Variants in MRPL3 observed in about 807,000 individuals in gnomAD.
MRPL3 encodes large ribosomal subunit protein uL3m.
In MRPL3, 43 loss-of-function variants were observed where a neutral mutation model predicts 44.3. The ratio of observed to expected loss-of-function variants is 0.97; its 90% CI spans 0.76 to 1.25. MRPL3 has a LOEUF of 1.25. Ranked by LOEUF, MRPL3 falls within the 50% of genes most tolerant of loss-of-function variation. The probability of loss-of-function intolerance (pLI) is 0.00; values close to 1 mark genes in which losing one functional copy is unlikely to be tolerated. For synonymous variants in MRPL3, 171 were observed against 152.3 expected (o/e 1.12, Z -0.91); for missense variants, 406 against 427.6 (o/e 0.95, Z 0.45).
At position 131,468,038 on chromosome 3, in the gene MRPL3, C is replaced by T. The variant is rs188820313; in HGVS notation, c.894+53G>A. 1.6e-4 allele frequency: 144 copies of T among 894,940 alleles called. 2 individuals carry two copies. In the South Asian group the frequency reaches 2.2e-3, roughly 14 times the overall value. The allele number at this position is 894,940 out of a possible 1,614,324, so 55.4% of individuals were successfully genotyped here. A position where few individuals can be genotyped will look rare whatever the true frequency, so the allele number is the denominator to read the frequency against. ...ATAAAGATAGTAATTTGTTAGCTTG[C>T]GAGTAAGAAACAAAAAAAAAAAAGG... On this transcript the variant is annotated intron_variant, in intron 9 of 9. Coordinates refer to ENST00000264995, the MANE Select transcript of MRPL3 (RefSeq NM_007208.4).
chr3:131,478,314 T>TG (rs1379543706), intron 6 of MRPL3, among the ~76,000 whole-genome samples: 1 of 152,208 alleles, frequency 6.6e-6, no homozygotes, highest in African/African-American at 2.4e-5. Context: ...GCCATTCACT[T>TG]GCAGTGTTTA....
chr3:131,492,408 T>C (rs1934278564), intron 4 of MRPL3, among the ~76,000 whole-genome samples: 2 of 152,176 alleles, frequency 1.3e-5, no homozygotes, highest in Non-Finnish European at 2.9e-5. Context: ...GAAGACCATT[T>C]TTCCACAGAC....
At chr3:131,462,985 A>G (rs565181752) in intron 9 of MRPL3, 110 bp from the exon 10 acceptor site, 1 of 870,916 alleles carries the variant, frequency 1.1e-6, no homozygotes, top group East Asian at 2.6e-5. Context: ...TCTAATGTGA[A>G]TAACACAACT....
chr3:131,468,159 T>G lies in MRPL3; in HGVS notation c.826A>C (p.Ile276Leu). Residue 276 changes from isoleucine (I) to leucine (L), a missense_variant, in exon 9 of 10, where the codon ATA (isoleucine) becomes CTA (leucine). Ile to Leu is a conservative substitution (Grantham distance 5). Transcript: ENST00000264995. ...RTEYGLKVWR[I>L]NTKHNIIYVN... The stretch of plus-strand genomic sequence containing the variant: ...TAGATTATGTTGTGCTTTGTGTTTA[T>G]TCTCCACACCTAAAGCATGAAATAA... 2 of 1,586,492 alleles carry G rather than the reference T, an allele frequency of 1.3e-6. No individual in the cohort carries two copies. Among genetic ancestry groups the G allele is most frequent in the Non-Finnish European group, 1.7e-6 (2 of 1,169,134 alleles).
At chr3:131,484,344 G>A (rs746413867) in intron 6 of MRPL3, among the ~76,000 whole-genome samples, 2 of 152,068 alleles carry the variant, frequency 1.3e-5, no homozygotes, top group South Asian at 2.1e-4. Context: ...CAGAAGTTCC[G>A]TGGGTGGGGT....
chr3:131,487,470 A>C, intron 6 of MRPL3: 1 of 476,496 alleles, frequency 2.1e-6, no homozygotes, highest in Non-Finnish European at 3.7e-6. Context: ...AAATAAAAAT[A>C]AAAGCTATAA....
intron 6 of MRPL3, among the ~76,000 whole-genome samples, chr3:131,475,446 G>C (rs1933834523): frequency 6.6e-6 from 1 of 152,134 alleles, no homozygotes; most frequent in Non-Finnish European, 1.5e-5. Flanking sequence ...GGCTGCTTGA[G>C]GTCAGGGGAG....
chr3:131,498,595 G>A (rs925344977), intron 3 of MRPL3, among the ~76,000 whole-genome samples: 5 of 150,958 alleles, frequency 3.3e-5, no homozygotes, highest in African/African-American at 9.7e-5. Flanking sequence ...CCAGCTACTC[G>A]GGAGGCTGAG....
intron 6 of MRPL3, among the ~76,000 whole-genome samples, chr3:131,475,466 G>A (rs1933834811): frequency 6.6e-6 from 1 of 152,146 alleles, no homozygotes; most frequent in Admixed American, 6.6e-5. Flanking sequence ...GGCCAGCCTG[G>A]CCAACATAGT....
chr3:131,475,460 A>G (rs143528292), intron 6 of MRPL3, among the ~76,000 whole-genome samples: 1 of 152,310 alleles, frequency 6.6e-6, no homozygotes, highest in Non-Finnish European at 1.5e-5. Flanking sequence ...AGGGGAGGCC[A>G]GCCTGGCCAA....
At chr3:131,471,512 T>C (rs1933742383) in intron 6 of MRPL3, among the ~76,000 whole-genome samples, 1 of 152,206 alleles carries the variant, frequency 6.6e-6, no homozygotes, top group Non-Finnish European at 1.5e-5. Flanking sequence ...TAATTCAAGA[T>C]TGTGAGACAC....
At chr3:131,469,899 TCC>T (rs1933704505) in intron 7 of MRPL3, 126 bp from the exon 8 acceptor site, 1 of 599,516 alleles carries the variant, frequency 1.7e-6, no homozygotes, top group Non-Finnish European at 2.8e-6. Context: ...TTCTGCTAGG[TCC>T]CAAGTAAGGA....
chr3:131,497,930 T>G (rs554458181), intron 4 of MRPL3: 1 of 488,912 alleles, frequency 2.0e-6, no homozygotes, highest in Non-Finnish European at 3.6e-6. Flanking sequence ...ATTGTACAGA[T>G]ATACAAGCAC....
intron 6 of MRPL3, among the ~76,000 whole-genome samples, chr3:131,482,997 T>C (rs1316505385): frequency 6.6e-6 from 1 of 151,362 alleles, no homozygotes; most frequent in Non-Finnish European, 1.5e-5. Flanking sequence ...TTTTTTTTTT[T>C]TTTTTTACAA....
chr3:131,487,627 C>T, intron 6 of MRPL3, 53 bp downstream of exon 6: 2 of 1,340,208 alleles, frequency 1.5e-6, no homozygotes, highest in South Asian at 1.2e-5. Context: ...TTATTCTATT[C>T]TCTTTTAATA....
At chr3:131,500,389 A>C in intron 3 of MRPL3, 41 bp downstream of exon 3, 1 of 1,506,806 alleles carries the variant, frequency 6.6e-7, no homozygotes, top group Non-Finnish European at 9.2e-7. Flanking sequence ...ACAGATCTTG[A>C]AACACATAGA....
At chr3:131,489,458 G>C (rs756392053) in intron 5 of MRPL3, among the ~76,000 whole-genome samples, 1 of 152,178 alleles carries the variant, frequency 6.6e-6, no homozygotes, top group Middle Eastern at 3.4e-3. Flanking sequence ...GAGCTTTTCT[G>C]AAGTTCAGAC....
intron 4 of MRPL3, among the ~76,000 whole-genome samples, chr3:131,497,595 C>T (rs1934398447): frequency 6.6e-6 from 1 of 152,096 alleles, no homozygotes; most frequent in South Asian, 2.1e-4. Context: ...ATACAGGATA[C>T]TCATTGGGCA....
At position 131,500,496 on chromosome 3, in the gene MRPL3, G is replaced by C. The variant is rs756946648; in HGVS notation, c.303C>G (p.Ala101=). The C allele has an allele frequency of 3.1e-6, 5 of 1,613,800 alleles. No homozygotes were observed. In the Admixed American group the frequency reaches 6.7e-5, roughly 22 times the overall value. ...EPGSFRVGLI[A]LKLGMMPLWT... is the part of the protein sequence containing the mutation. ...ATAAAGGCATCATGCCCAGCTTCAA[G>C]GCAATAAGACCAACTCTAAAGGAAC... The change falls in exon 3 of 10, where the codon GCC becomes GCG. Residue 101 remains alanine (A), a synonymous_variant. Coordinates refer to ENST00000264995, the MANE Select transcript of MRPL3 (RefSeq NM_007208.4).
Sources: gnomAD v4.1 joint callset for allele counts (sites outside exome capture counted in the v4.1 genomes callset) on GRCh38, gnomAD v4.1.1 for gene constraint, MANE v1.5 for transcripts, NCBI Gene and HGNC (gene_info 2026-07-23, HGNC 2026-07-21) for gene names.